Variants in APC observed in about 807,000 individuals in gnomAD.
APC encodes the protein APC regulator of Wnt signaling pathway.
A neutral mutation model predicts 247.0 loss-of-function variants in APC; 72 were observed. The ratio of observed to expected loss-of-function variants is 0.29; its 90% CI spans 0.24 to 0.35. The LOEUF (loss-of-function observed/expected upper bound fraction) is 0.35, where lower values mean the gene tolerates loss of function less well. Among genes scored for constraint, APC ranks in the 10% least tolerant of loss-of-function variants. APC has a pLI of 1.00. For missense variants in APC, 3,400 were observed against 3,360.7 expected, an observed-to-expected ratio of 1.01 and a Z score of -0.29; for synonymous variants, 1,254 against 1,162.5, an observed-to-expected ratio of 1.08 and a Z score of -1.60.
intron 5 of APC, chr5:112,777,860 A>T: frequency 4.4e-6 from 1 of 229,024 alleles, no homozygotes. Flanking sequence ...GTTTGTCAGC[A>T]GCATCCCTTC....
At chr5:112,816,621 C>A (rs1317804612) in intron 9 of APC, among the ~76,000 whole-genome samples, 1 of 151,774 alleles carries the variant, frequency 6.6e-6, no homozygotes, top group Non-Finnish European at 1.5e-5. Context: ...TGGTGAAACC[C>A]CGTCTCTACT....
chr5:112,794,509 TA>T (rs1456634372), intron 7 of APC, among the ~76,000 whole-genome samples: 1 of 152,142 alleles, frequency 6.6e-6, no homozygotes, highest in Non-Finnish European at 1.5e-5. Flanking sequence ...GCTCCACAAG[TA>T]AAAGACAAAG....
intron 8 of APC, among the ~76,000 whole-genome samples, chr5:112,807,799 G>A (rs1761565242): frequency 6.6e-6 from 1 of 151,828 alleles, no homozygotes; most frequent in Non-Finnish European, 1.5e-5. Context: ...AAGATTCCAG[G>A]CATCATCATC....
At chr5:112,804,178 C>T (rs1761125417) in intron 8 of APC, among the ~76,000 whole-genome samples, 1 of 152,188 alleles carries the variant, frequency 6.6e-6, no homozygotes, top group Non-Finnish European at 1.5e-5. Context: ...CTTGTCTCCA[C>T]CTACCTGGAA....
At chr5:112,835,243 A>G (rs893134562) in intron 15 of APC, 78 bp downstream of exon 15, 9 of 1,296,848 alleles carry the variant, frequency 6.9e-6, no homozygotes, top group South Asian at 1.3e-5. Flanking sequence ...GCAATGTTTT[A>G]TATAATCATG....
At chr5:112,755,206 G>A in intron 2 of APC, 181 bp downstream of exon 2, 2 of 459,412 alleles carry the variant, frequency 4.4e-6, no homozygotes, top group Non-Finnish European at 2.9e-6. Context: ...TTCATTCAGT[G>A]AATCATATAA....
chr5:112,845,654 C>G lies in APC; in HGVS notation c.*1528C>G, dbSNP rs1489694946. The G allele has an allele frequency of 4.3e-6, 1 of 231,846 alleles. No homozygotes were observed. Among genetic ancestry groups the G allele is most frequent in the African/African-American group, 2.2e-5 (1 of 45,232 alleles). 14.4% of individuals were successfully genotyped at this position (231,846 alleles called of 1,614,324 possible). On this transcript the variant is annotated 3_prime_UTR_variant, in exon 16 of 16. Coordinates refer to ENST00000257430, the MANE Select transcript of APC (RefSeq NM_000038.6). ...AAGGAAACTTTATTTGTGGTAGGTA[C>G]AGTTCTGGGGTACATGTTAAGTGTC...
At chr5:112,765,965 A>T (rs1469898720) in intron 2 of APC, among the ~76,000 whole-genome samples, 2 of 152,160 alleles carry the variant, frequency 1.3e-5, no homozygotes, top group Admixed American at 6.5e-5. Context: ...AGAGACATGG[A>T]TTCTAAACAC....
At chr5:112,759,645 G>A (rs1027986320) in intron 2 of APC, among the ~76,000 whole-genome samples, 1 of 151,960 alleles carries the variant, frequency 6.6e-6, no homozygotes, top group Non-Finnish European at 1.5e-5. Flanking sequence ...GTGAGCCACC[G>A]TGCCCAGCCT....
intron 8 of APC, among the ~76,000 whole-genome samples, chr5:112,802,268 A>T (rs779520059): frequency 6.6e-6 from 1 of 152,106 alleles, no homozygotes; most frequent in Non-Finnish European, 1.5e-5. Context: ...ATTTAAATTT[A>T]TTTTACTGAG....
chr5:112,842,513 T>A lies in APC; in HGVS notation c.6919T>A (p.Ser2307Thr). 6.2e-7 allele frequency: 1 copy of A among 1,614,056 alleles called. No homozygotes were observed. Among genetic ancestry groups the A allele is most frequent in the Non-Finnish European group, 8.5e-7 (1 of 1,179,958 alleles). The change falls in exon 16 of 16, where the codon TCG becomes ACG. Residue 2307 changes from serine (S) to threonine (T), a missense_variant. By Grantham distance (58) the Ser-to-Thr change is moderately conservative. Around this residue, in one of 9 missense-constraint regions of APC, gnomAD observed 1,788 missense variants for 1,649.5 expected, o/e 1.08. Transcript: ENST00000257430. ...ACCTTCTAGATCAGGATCTAGAGAT[T>A]CGACCCCTTCAAGACCTGCCCAGCA... ...KAPSRSGSRD[S>T]TPSRPAQQPL...
rs1750604515 is a variant in APC, at chr5:112,707,748, G to A, written c.31G>A (p.Ala11Thr). 1.5e-6 allele frequency: 2 copies of A among 1,370,602 alleles called. No homozygotes were observed. The highest frequency in any genetic ancestry group is 1.9e-6 in the Non-Finnish European group (2 of 1,038,766). The allele number at this position is 1,370,602 out of a possible 1,614,324, so 84.9% of individuals were successfully genotyped here. The change falls in exon 1 of 14, where the codon GCC (alanine) becomes ACC (threonine). Residue 11 changes from alanine to threonine, a missense_variant. By Grantham distance (58) the Ala-to-Thr change is moderately conservative. Transcript: ENST00000507379. ...CGCCTCCCTGGGCTCGGGTCCGGTCGCCCCTTTGCCCGCTTCTGTACCACC... is the reference window on the plus strand; with the variant it reads ...CGCCTCCCTGGGCTCGGGTCCGGTCACCCCTTTGCCCGCTTCTGTACCACC...
At chr5:112,766,460 A>G (rs777631286) in intron 3 of APC, 50 bp downstream of exon 3, 2 of 1,297,412 alleles carry the variant, frequency 1.5e-6, no homozygotes, top group South Asian at 1.2e-5. Context: ...TCAAATTGTC[A>G]TCTTTAGGTG....
Position 112,819,198 on chromosome 5 carries a change from A to G in APC, c.1166A>G (p.Asn389Ser), listed in dbSNP as rs764134245. 1.9e-6 allele frequency: 3 copies of G among 1,613,984 alleles called. No homozygotes were observed. The highest frequency in any genetic ancestry group is 2.5e-6 in the Non-Finnish European group (3 of 1,179,968). ...ARARASAALH[N>S]IIHSQPDDKR... The stretch of plus-strand genomic sequence containing the variant: ...GCCAGGGCCAGTGCAGCACTCCACA[A>G]CATCATTCACTCACAGCCTGATGAC... Residue 389 changes from asparagine to serine, a missense_variant, in exon 10 of 16, where the codon AAC (asparagine) becomes AGC (serine). This residue lies in a region of APC where 199 missense variants were observed against 212.5 expected (regional missense o/e 0.94). Coordinates refer to ENST00000257430, the MANE Select transcript of APC (RefSeq NM_000038.6).
At chr5:112,836,609 C>T (rs775028750) in intron 15 of APC, among the ~76,000 whole-genome samples, 5 of 152,164 alleles carry the variant, frequency 3.3e-5, no homozygotes, top group African/African-American at 4.8e-5. Context: ...GATTCTCACT[C>T]CTTGTTTTTA....
chr5:112,767,494 A>G, intron 4 of APC, 104 bp downstream of exon 4: 2 of 902,552 alleles, frequency 2.2e-6, no homozygotes, highest in African/African-American at 1.7e-5. Context: ...GATAGCTAAC[A>G]CTTAGAGCAT....
chr5:112,760,356 A>G (rs1001385177), intron 2 of APC, among the ~76,000 whole-genome samples: 1 of 152,204 alleles, frequency 6.6e-6, no homozygotes, highest in African/African-American at 2.4e-5. Context: ...ATAGACTAGA[A>G]ACGCAGAATG....
intron 8 of APC, 122 bp downstream of exon 8, chr5:112,801,505 C>T (rs1760825894): frequency 1.4e-5 from 10 of 697,254 alleles, no homozygotes; most frequent in Middle Eastern, 4.2e-4. Context: ...ATGCATATTT[C>T]CAGAAGCATT....
intron 8 of APC, among the ~76,000 whole-genome samples, chr5:112,813,318 C>G (rs1034318733): frequency 2.6e-5 from 4 of 152,134 alleles, no homozygotes; most frequent in African/African-American, 9.7e-5. Flanking sequence ...GTTTTGTGCA[C>G]TAGTCAGGAA....
Sources: allele counts gnomAD v4.1 joint callset (sites outside exome capture counted in the v4.1 genomes callset), GRCh38; gene constraint gnomAD v4.1.1; regional missense constraint gnomAD v4.1.1; transcripts MANE v1.5; gene names NCBI Gene and HGNC (gene_info 2026-07-23, HGNC 2026-07-21).